CACNA2D4: variants seen among roughly 807,000 people sequenced by gnomAD.
CACNA2D4 encodes voltage-dependent calcium channel subunit alpha-2/delta-4.
A neutral mutation model predicts 163.8 loss-of-function variants in CACNA2D4; 157 were observed. That is an observed-to-expected ratio of 0.96 (90% CI 0.84 to 1.09). The LOEUF (loss-of-function observed/expected upper bound fraction) is 1.09, where lower values mean the gene tolerates loss of function less well. CACNA2D4 is among the 50% of genes least tolerant of loss of function. The pLI is 0.00. For synonymous variants in CACNA2D4, 598 were observed against 586.9 expected, an observed-to-expected ratio of 1.02 and a Z score of -0.27; for missense variants, 1,410 against 1,479.9, an observed-to-expected ratio of 0.95 and a Z score of 0.78.
intron 26 of CACNA2D4, 40 bp from the exon 27 acceptor site, chr12:1,811,763 A>C: frequency 1.3e-6 from 2 of 1,543,962 alleles, no homozygotes; most frequent in Non-Finnish European, 8.8e-7. Context: ...CAGGGAAGAG[A>C]CGGGGAGAGA....
rs1558142 is a variant in CACNA2D4 at position 1,913,245 on chromosome 12, T to C, written c.310-106A>G. 686,414 of 771,540 alleles carry C rather than the reference T, an allele frequency of 0.89. 306,126 individuals are homozygous for C. Among genetic ancestry groups the C allele is most frequent in the East Asian group, 1 (37,550 of 37,564 alleles). The allele number at this position is 771,540 out of a possible 1,614,324, so 47.8% of individuals were successfully genotyped here. ...CTCTCCACAGATGCATTCCGGCACA[T>C]GGAGCCTGGTTTACTCAACTAGGGT... On this transcript the variant is annotated intron_variant, in intron 2 of 37. Transcript: ENST00000382722.
chr12:1,895,346 C>T (rs1866377675), intron 6 of CACNA2D4, among the ~76,000 whole-genome samples: 1 of 151,908 alleles, frequency 6.6e-6, no homozygotes, highest in South Asian at 2.1e-4. Context: ...AATACCAATG[C>T]CATTTTTCAC....
chr12:1,849,830 AT>A (rs139949168), intron 23 of CACNA2D4, among the ~76,000 whole-genome samples: 2,864 of 152,362 alleles, frequency 0.019, 55 homozygotes, highest in Middle Eastern at 0.031. Context: ...CTCTTTCTAG[AT>A]AAGCAGTGGA....
chr12:1,909,446 A>G lies in CACNA2D4; in HGVS notation c.486+460T>C, dbSNP rs544258996. Among the ~76,000 whole-genome samples the G allele has an allele frequency of 1.8e-4, 28 of 152,316 alleles. No individual in the cohort carries two copies. In the South Asian group the frequency reaches 4.8e-3, roughly 26 times the overall value. ...CCTGACCTTGTGATCCACCCGCCTCAGCCTCCCAAAGTGCTGGGATTACAG... is the reference window on the plus strand; with the variant it reads ...CCTGACCTTGTGATCCACCCGCCTCGGCCTCCCAAAGTGCTGGGATTACAG... On this transcript the variant is annotated intron_variant, in intron 4 of 37. Transcript: ENST00000382722.
Position 1,874,014 on chromosome 12 carries a change from G to A in CACNA2D4, c.1878+590C>T, listed in dbSNP as rs946745449. 2.0e-5 allele frequency among the ~76,000 whole-genome samples: 3 copies of A among 152,170 alleles called. No individual in the cohort carries two copies. The highest frequency in any genetic ancestry group is 7.2e-5 in the African/African-American group (3 of 41,432). On this transcript the variant is annotated intron_variant, in intron 18 of 37. Transcript: ENST00000382722. The surrounding 1 kb of genome is among the most constrained non-coding windows in gnomAD (Gnocchi z 4.4). ...AGGTGGGGGTGGCTGTGAGGGAGGA[G>A]GTGACATTTGTAAATATGTCAAGGG...
chr12:1,829,241 G>A lies in CACNA2D4; in HGVS notation c.2551+11498C>T, dbSNP rs1428596463. Among the ~76,000 whole-genome samples the A allele has an allele frequency of 1.3e-5, 2 of 152,216 alleles. No individual in the cohort carries two copies. The highest frequency in any genetic ancestry group is 2.9e-5 in the Non-Finnish European group (2 of 68,044). On this transcript the variant is annotated intron_variant, in intron 26 of 37. Coordinates refer to ENST00000382722, the MANE Select transcript of CACNA2D4 (RefSeq NM_172364.5). This position sits in a 1 kb window ranked among gnomAD's most constrained non-coding sequence, Gnocchi z 4.2. ...TCAGGCCCTTCTCTGGGAGGGGCGA[G>A]CGGCTTCTGGTGATGCAGATCCTTT...
rs765168843 is a variant in CACNA2D4 at position 1,858,605 on chromosome 12, G to C, written c.1980C>G (p.Ile660Met). Reference protein sequence around the residue: ...VVLSRGHGEYILLGNTSVEEG... With the variant: ...VVLSRGHGEYMLLGNTSVEEG... ...CTTCCACAGACGTGTTCCCCAGAAG[G>C]ATGTATTCTCCGTGGCCCCGGGACA... Residue 660 changes from isoleucine to methionine, a missense_variant, in exon 20 of 38, where the codon ATC (isoleucine) becomes ATG (methionine). Ile to Met is a conservative substitution (Grantham distance 10, BLOSUM62 1). Coordinates refer to ENST00000382722, the MANE Select transcript of CACNA2D4 (RefSeq NM_172364.5). 4 of 1,612,872 alleles carry C rather than the reference G, an allele frequency of 2.5e-6. No individual in the cohort carries two copies. In the Admixed American group the frequency reaches 6.7e-5, roughly 27 times the overall value.
chr12:1,877,470 C>T (rs1013795661), intron 16 of CACNA2D4, among the ~76,000 whole-genome samples: 5 of 152,206 alleles, frequency 3.3e-5, no homozygotes, highest in African/African-American at 1.2e-4. Flanking sequence ...TGATCTCTCT[C>T]TATTCAGAAC....
In CACNA2D4 at chr12:1,890,941, C is replaced by A. The variant is rs192640222; in HGVS notation, c.782-3872G>T. ...CCACTGTCCTGGGGACTGAACTGCC[C>A]AGCTCACTGCAGCCACTGCCAAGAG... is the stretch of plus-strand genomic sequence containing the variant. On this transcript the variant is annotated intron_variant, in intron 6 of 37. Coordinates refer to ENST00000382722, the MANE Select transcript of CACNA2D4 (RefSeq NM_172364.5). Among the ~76,000 whole-genome samples the A allele has an allele frequency of 3.9e-3, 593 of 152,320 alleles. 2 individuals carry two copies. The highest frequency in any genetic ancestry group is 0.014 in the African/African-American group (578 of 41,572).
At chr12:1,901,284 A>G (rs1296832218) in intron 6 of CACNA2D4, among the ~76,000 whole-genome samples, 1 of 152,094 alleles carries the variant, frequency 6.6e-6, no homozygotes, top group Non-Finnish European at 1.5e-5. Context: ...TACATCTTGA[A>G]GAACTAGAAA....
At position 1,798,208 on chromosome 12, in the gene CACNA2D4, G is replaced by A. The variant is rs1227514052; in HGVS notation, c.2996-673C>T. 2.0e-5 allele frequency among the ~76,000 whole-genome samples: 3 copies of A among 152,322 alleles called. No individual in the cohort carries two copies. The highest frequency in any genetic ancestry group is 3.9e-4 in the East Asian group (2 of 5,184). ...GAGGCGAGTGCCTCAGCCCCGCTCT[G>A]CAGGACCCGAGTCCGTTCCCTCCCG... On this transcript the variant is annotated intron_variant, in intron 34 of 37. Coordinates refer to ENST00000382722, the MANE Select transcript of CACNA2D4 (RefSeq NM_172364.5). This position sits in a 1 kb window ranked among gnomAD's most constrained non-coding sequence, Gnocchi z 4.3.
intron 26 of CACNA2D4, among the ~76,000 whole-genome samples, chr12:1,817,448 A>G (rs1444565016): frequency 6.6e-6 from 1 of 151,944 alleles, no homozygotes; most frequent in Non-Finnish European, 1.5e-5. Context: ...AGCTCTGTGT[A>G]GGAAAGGAGA....
In CACNA2D4 at chr12:1,830,973, C is replaced by T. The variant is rs1864597689; in HGVS notation, c.2551+9766G>A. 13 of 1,613,208 alleles carry T rather than the reference C, an allele frequency of 8.1e-6. No homozygotes were observed. The highest frequency in any genetic ancestry group is 1.1e-5 in the Non-Finnish European group (13 of 1,179,468). On this transcript the variant is annotated intron_variant, in intron 26 of 37. Transcript: ENST00000382722. ...GATCGCCCTGTATGCTGTGGAGGCC[C>T]TCCCCACCTGCCCTTTCTCCTGCAA...
chr12:1,886,227 A>C lies in CACNA2D4; in HGVS notation c.989T>G (p.Ile330Arg). The C allele has an allele frequency of 6.2e-7, 1 of 1,612,668 alleles. No homozygotes were observed. The highest frequency in any genetic ancestry group is 8.5e-7 in the Non-Finnish European group (1 of 1,178,750). ...TLGENDFINI[I>R]AYNDYVHYIE... ...AGAACAGGAAGGCACATTTACCGCT[A>C]TGATATTAATGAAGTCATTCTCCCC... is the stretch of plus-strand genomic sequence containing the variant. The change falls in exon 8 of 38, where the codon ATA becomes AGA. Residue 330 changes from isoleucine (I) to arginine (R), a missense_variant. By Grantham distance (97) the Ile-to-Arg change is moderately conservative. Transcript: ENST00000382722.
At chr12:1,885,924 G>C (rs1592734273) in intron 9 of CACNA2D4, 41 bp downstream of exon 9, 1 of 1,446,758 alleles carries the variant, frequency 6.9e-7, no homozygotes, top group Non-Finnish European at 9.7e-7. Flanking sequence ...ATCCAGACAA[G>C]AGCAGGGGCT....
At chr12:1,814,120 G>A (rs914564384) in intron 26 of CACNA2D4, among the ~76,000 whole-genome samples, 4 of 152,162 alleles carry the variant, frequency 2.6e-5, no homozygotes, top group Admixed American at 1.3e-4. Flanking sequence ...CTTGGCCTCC[G>A]TGGTCAAAGA....
chr12:1,846,506 T>C (rs1463242058), intron 24 of CACNA2D4, 88 bp downstream of exon 24: 1 of 1,083,522 alleles, frequency 9.2e-7, no homozygotes, highest in Non-Finnish European at 1.3e-6. Flanking sequence ...CCGGTGCCAG[T>C]CCACCCATGG....
In CACNA2D4 at chr12:1,811,716, G is replaced by A. The variant is rs1009598544; in HGVS notation, c.2559C>T (p.Gly853=). 38 of 1,558,734 alleles carry A rather than the reference G, an allele frequency of 2.4e-5. No homozygotes were observed. Among genetic ancestry groups the A allele is most frequent in the Non-Finnish European group, 2.9e-5 (33 of 1,150,880 alleles). Residue 853 remains glycine (G), a synonymous_variant, in exon 27 of 38, where the codon GGC becomes GGT. Transcript: ENST00000382722. The stretch of plus-strand genomic sequence containing the variant: ...GGAGGAATTCCAGCTTCATTTGGAC[G>A]CCCGCGGCTACAGGGCAGAAAGAGA... ...DKRTAIAAAA[G]VQMKLEFLQR...
chr12:1,878,420 G>T lies in CACNA2D4; in HGVS notation c.1645-31C>A. 6.3e-7 allele frequency: 1 copy of T among 1,575,276 alleles called. No homozygotes were observed. The highest frequency in any genetic ancestry group is 8.6e-7 in the Non-Finnish European group (1 of 1,160,340). On this transcript the variant is annotated intron_variant, in intron 15 of 37. Transcript: ENST00000382722. The surrounding 1 kb of genome is among the most constrained non-coding windows in gnomAD (Gnocchi z 4.6). ...AGAGTCCAGGGTGGAGGCGCATTAG[G>T]CCTGCTGTTTGTGCTGGGCATCTGG... is the stretch of plus-strand genomic sequence containing the variant.
Sources: gnomAD v4.1 joint callset for allele counts (sites outside exome capture counted in the v4.1 genomes callset) on GRCh38, gnomAD v4.1.1 for gene constraint, Gnocchi (gnomAD v3.1) non-coding constraint, MANE v1.5 for transcripts, NCBI Gene and HGNC (gene_info 2026-07-23, HGNC 2026-07-21) for gene names.